The following KCNIP4 variants were observed in gnomAD, a reference collection of about 807,000 sequenced individuals.
The protein encoded by KCNIP4 is Kv channel-interacting protein 4.
KCNIP4 carries 12 observed loss-of-function variants against 34.0 expected under a neutral mutation model. The ratio of observed to expected loss-of-function variants is 0.35; its 90% CI spans 0.23 to 0.57. KCNIP4 has a LOEUF of 0.57. KCNIP4 is among the 20% of genes least tolerant of loss of function. The pLI is 0.83. For synonymous variants in KCNIP4, 124 were observed against 102.2 expected, an observed-to-expected ratio of 1.21 and a Z score of -1.29; for missense variants, 238 against 311.7, an observed-to-expected ratio of 0.76 and a Z score of 1.78.
At chr4:21,039,758 T>A (rs113423589) in intron 1 of KCNIP4, among the ~76,000 whole-genome samples, 4,422 of 152,326 alleles carry the variant, frequency 0.029, 194 homozygotes, top group African/African-American at 0.1. Flanking sequence ...TTTATATTTC[T>A]AATGTCTAGC....
At chr4:21,438,977 AT>A (rs1485405468) in intron 1 of KCNIP4, among the ~76,000 whole-genome samples, 1 of 152,126 alleles carries the variant, frequency 6.6e-6, no homozygotes, top group Non-Finnish European at 1.5e-5. Flanking sequence ...CCTGGCTAAC[AT>A]GGTGAAACCC....
intron 1 of KCNIP4, among the ~76,000 whole-genome samples, chr4:21,306,869 G>A (rs796191987): frequency 1.3e-4 from 20 of 151,532 alleles, no homozygotes; most frequent in African/African-American, 4.6e-4. Flanking sequence ...TGCCCACATT[G>A]GAGTGCAATG....
intron 1 of KCNIP4, among the ~76,000 whole-genome samples, chr4:21,076,007 A>T (rs987464765): frequency 2.6e-5 from 4 of 152,100 alleles, no homozygotes; most frequent in African/African-American, 9.7e-5. Context: ...TGAGAGATCC[A>T]CTGTTAGTCT....
intron 1 of KCNIP4, among the ~76,000 whole-genome samples, chr4:21,509,216 C>A (rs558882788): frequency 3.3e-5 from 5 of 152,184 alleles, no homozygotes; most frequent in Admixed American, 2.6e-4. Context: ...ATGTAAGGGG[C>A]CCTTTACATT....
At chr4:21,476,615 G>A (rs1311075147) in intron 1 of KCNIP4, among the ~76,000 whole-genome samples, 1 of 152,132 alleles carries the variant, frequency 6.6e-6, no homozygotes, top group Non-Finnish European at 1.5e-5. Context: ...CACCTAGCCT[G>A]TGGTATTTCT....
chr4:20,825,085 T>G (rs1488585336), intron 3 of KCNIP4, among the ~76,000 whole-genome samples: 1 of 152,134 alleles, frequency 6.6e-6, no homozygotes, highest in Non-Finnish European at 1.5e-5. Flanking sequence ...CTCATCGTAT[T>G]TCCCAAAGGT....
chr4:21,400,698 A>G (rs1396562271), intron 1 of KCNIP4, among the ~76,000 whole-genome samples: 2 of 152,008 alleles, frequency 1.3e-5, no homozygotes, highest in Admixed American at 6.6e-5. Context: ...CTGGTGCTGG[A>G]TTGGTTAGGG....
At chr4:21,129,639 CT>C (rs367702190) in intron 1 of KCNIP4, among the ~76,000 whole-genome samples, 18 of 152,282 alleles carry the variant, frequency 1.2e-4, no homozygotes, top group African/African-American at 4.3e-4. Context: ...AAAGTACTTG[CT>C]TTTAAAATGA....
intron 1 of KCNIP4, chr4:21,608,681 A>C (rs576721156): frequency 6.6e-6 from 1 of 152,320 alleles, no homozygotes; most frequent in African/African-American, 2.4e-5. Context: ...TAGTCACAGA[A>C]TCTAGAGATT....
At chr4:21,576,627 C>T (rs1254669462) in intron 1 of KCNIP4, among the ~76,000 whole-genome samples, 4 of 152,258 alleles carry the variant, frequency 2.6e-5, no homozygotes, top group African/African-American at 9.6e-5. Flanking sequence ...TCCCCGATTA[C>T]TCATTTATCC....
intron 1 of KCNIP4, among the ~76,000 whole-genome samples, chr4:21,736,906 T>C (rs1178199332): frequency 6.6e-6 from 1 of 152,168 alleles, no homozygotes; most frequent in Non-Finnish European, 1.5e-5. Flanking sequence ...TTCCTTTTGG[T>C]TTTCTTGACT....
intron 1 of KCNIP4, among the ~76,000 whole-genome samples, chr4:21,872,350 G>A (rs919994934): frequency 6.6e-6 from 1 of 152,126 alleles, no homozygotes; most frequent in African/African-American, 2.4e-5. Flanking sequence ...TATGAGCCAG[G>A]ATTTATTCTA....
intron 2 of KCNIP4, among the ~76,000 whole-genome samples, chr4:20,863,835 C>G (rs925964378): frequency 9.2e-5 from 14 of 152,024 alleles, no homozygotes; most frequent in African/African-American, 3.4e-4. Context: ...CCTGCACATG[C>G]ACCCCTGAAC....
intron 1 of KCNIP4, among the ~76,000 whole-genome samples, chr4:21,483,118 C>T (rs1267297411): frequency 1.3e-5 from 2 of 150,412 alleles, no homozygotes; most frequent in Non-Finnish European, 3.0e-5. Context: ...AGGAGATATA[C>T]CTAATGTAAA....
At chr4:21,660,863 A>G (rs1748394488) in intron 1 of KCNIP4, among the ~76,000 whole-genome samples, 1 of 152,190 alleles carries the variant, frequency 6.6e-6, no homozygotes, top group African/African-American at 2.4e-5. Context: ...GACAGGAGGC[A>G]GGGAAATACT....
chr4:20,991,833 A>G (rs1737106323), intron 1 of KCNIP4, among the ~76,000 whole-genome samples: 1 of 152,276 alleles, frequency 6.6e-6, no homozygotes, highest in Non-Finnish European at 1.5e-5. Flanking sequence ...GTCTGTTCCT[A>G]GGCCCTGTCA....
chr4:21,409,867 G>C (rs1330515596), intron 1 of KCNIP4, among the ~76,000 whole-genome samples: 1 of 152,154 alleles, frequency 6.6e-6, no homozygotes, highest in Non-Finnish European at 1.5e-5. Flanking sequence ...CATCAGTCCT[G>C]AGGGTTTTGA....
rs569051500 is a variant in KCNIP4 at position 21,455,543 on chromosome 4, AATAG to A, written c.61+493024_61+493027del. Reference sequence around the variant, plus strand: ...CAGATATATAGATGACAGATAGATAAATAGATAGATATGTAGTTTTATCAGATAA... The same window carrying A: ...CAGATATATAGATGACAGATAGATAAATAGATATGTAGTTTTATCAGATAA... On this transcript the variant is annotated intron_variant, in intron 1 of 8. Transcript: ENST00000382152. Among the ~76,000 whole-genome samples, 147 of 151,882 alleles carry A rather than the reference AATAG, an allele frequency of 9.7e-4. 1 individual carries two copies. The highest frequency in any genetic ancestry group is 6.8e-3 in the Middle Eastern group (2 of 292).
chr4:21,242,920 T>A (rs1203371159), intron 1 of KCNIP4, among the ~76,000 whole-genome samples: 2 of 149,180 alleles, frequency 1.3e-5, no homozygotes, highest in South Asian at 2.1e-4. Context: ...GTGTGTGTAT[T>A]GCTTTTTTCC....
Sources: allele counts gnomAD v4.1 joint callset (sites outside exome capture counted in the v4.1 genomes callset), GRCh38; gene constraint gnomAD v4.1.1; transcripts MANE v1.5; gene names NCBI Gene and HGNC (gene_info 2026-07-23, HGNC 2026-07-21).